The following EAF1 variants were observed in gnomAD, a reference collection of about 807,000 sequenced individuals.
EAF1 encodes the protein ELL associated factor 1, also known as ELL-associated factor 1.
In EAF1, 19 loss-of-function variants were observed where a neutral mutation model predicts 26.6. The observed-to-expected ratio is 0.71, with a 90% confidence interval of 0.50 to 1.05. The LOEUF is 1.05. Ranked by LOEUF, EAF1 falls within the 50% of genes least tolerant of loss-of-function variation. EAF1 has a pLI of 0.00. For missense variants in EAF1, 260 were observed against 335.5 expected (o/e 0.78, Z 1.76); for synonymous variants, 102 against 120.6 (o/e 0.85, Z 1.01).
Position 15,439,191 on chromosome 3 carries a change from A to C in EAF1, c.*36A>C. The C allele has an allele frequency of 6.2e-7, 1 of 1,607,758 alleles. No individual in the cohort carries two copies. Among genetic ancestry groups the C allele is most frequent in the Non-Finnish European group, 8.5e-7 (1 of 1,176,308 alleles). On this transcript the variant is annotated 3_prime_UTR_variant, in exon 6 of 6. Transcript: ENST00000396842. ...TTCGAAACCTACTTTTTGGTGCACA[A>C]ACATGCCGCAAGACTGAGCTACTTT...
intron 3 of EAF1, among the ~76,000 whole-genome samples, chr3:15,433,565 C>T (rs2061814955): frequency 6.6e-6 from 1 of 152,206 alleles, no homozygotes; most frequent in African/African-American, 2.4e-5. Context: ...AGTCCATTTA[C>T]AAAAGAAATT....
chr3:15,433,387 C>T (rs969936278), intron 3 of EAF1, among the ~76,000 whole-genome samples: 4 of 152,120 alleles, frequency 2.6e-5, no homozygotes, highest in African/African-American at 9.7e-5. Flanking sequence ...CGATATTCCT[C>T]CAATATCTGA....
chr3:15,436,675 G>T, intron 5 of EAF1, 100 bp downstream of exon 5: 1 of 1,005,590 alleles, frequency 9.9e-7, no homozygotes, highest in Non-Finnish European at 1.4e-6. Flanking sequence ...TTAAGGCATG[G>T]GAGAGGATCT....
rs1301461677 is a variant in EAF1 at position 15,442,216 on chromosome 3, T to G, written c.*3061T>G. 2 of 152,218 alleles carry G rather than the reference T, an allele frequency of 1.3e-5. No homozygotes were observed. Among genetic ancestry groups the G allele is most frequent in the Admixed American group, 6.6e-5 (1 of 15,190 alleles). 9.4% of individuals were successfully genotyped at this position (152,218 alleles called of 1,614,324 possible). ...AGAGGCTGGTTCAGCAGGGTGTGTG[T>G]GTGTGTGTGTGTGTGTGTGTATGAA... On this transcript the variant is annotated 3_prime_UTR_variant, in exon 6 of 6. Transcript: ENST00000396842.
At chr3:15,429,092 A>T (rs1280073440) in intron 1 of EAF1, among the ~76,000 whole-genome samples, 2 of 152,206 alleles carry the variant, frequency 1.3e-5, no homozygotes, top group Non-Finnish European at 2.9e-5. Context: ...TGTGAATGTG[A>T]ATTAAGATGG....
In EAF1 at chr3:15,432,149, G is replaced by A; in HGVS notation, c.261G>A (p.Val87=). ...GNKRPYQKDC[V]LIINHDTGEY... ...AACGGCCTTACCAGAAAGACTGTGT[G>A]CTTATTATTAATCATGACACTGGTG... The change falls in exon 3 of 6, where the codon GTG becomes GTA. Residue 87 remains valine, a synonymous_variant. Coordinates refer to ENST00000396842, the MANE Select transcript of EAF1 (RefSeq NM_033083.7). 2 of 1,614,174 alleles carry A rather than the reference G, an allele frequency of 1.2e-6. No individual in the cohort carries two copies. Among genetic ancestry groups the A allele is most frequent in the Non-Finnish European group, 8.5e-7 (1 of 1,180,022 alleles).
chr3:15,439,191 A>G lies in EAF1; in HGVS notation c.*36A>G. 2 of 1,607,758 alleles carry G rather than the reference A, an allele frequency of 1.2e-6. No homozygotes were observed. Among genetic ancestry groups the G allele is most frequent in the Non-Finnish European group, 1.7e-6 (2 of 1,176,308 alleles). ...TTCGAAACCTACTTTTTGGTGCACA[A>G]ACATGCCGCAAGACTGAGCTACTTT... On this transcript the variant is annotated 3_prime_UTR_variant, in exon 6 of 6. Coordinates refer to ENST00000396842, the MANE Select transcript of EAF1 (RefSeq NM_033083.7).
chr3:15,429,830 T>G, intron 1 of EAF1, 83 bp from the exon 2 acceptor site: 1 of 843,668 alleles, frequency 1.2e-6, no homozygotes, highest in East Asian at 2.5e-5. Context: ...TGAGTAATAA[T>G]TTTAATTCTT....
intron 2 of EAF1, among the ~76,000 whole-genome samples, chr3:15,431,805 A>G (rs2061803952): frequency 6.6e-6 from 1 of 152,198 alleles, no homozygotes. Flanking sequence ...TAATGAAAGT[A>G]ATGGTTAATT....
chr3:15,430,438 C>T (rs1005524302), intron 2 of EAF1, among the ~76,000 whole-genome samples: 5 of 142,434 alleles, frequency 3.5e-5, no homozygotes, highest in African/African-American at 1.1e-4. Context: ...CCAGCCTGGG[C>T]GACAGAGTGA....
Position 15,427,879 on chromosome 3 carries a change from C to A in EAF1, c.100C>A (p.Arg34Ser). The A allele has an allele frequency of 6.5e-7, 1 of 1,543,992 alleles. No homozygotes were observed. Among genetic ancestry groups the A allele is most frequent in the South Asian group, 1.2e-5 (1 of 83,724 alleles). ...GCCGCGGGCCTCCTTCCACACTATT[C>A]GTTGTAAGTCAGCGCTCCCCACGGT... ...KRPRASFHTI[R>S]YDFKPASIDT... is the part of the protein sequence containing the mutation. The change falls in exon 1 of 6, where the codon CGT becomes AGT. Residue 34 changes from arginine to serine, a missense_variant. Coordinates refer to ENST00000396842, the MANE Select transcript of EAF1 (RefSeq NM_033083.7).
At chr3:15,427,948 T>A in intron 1 of EAF1, 66 bp downstream of exon 1, 1 of 1,286,928 alleles carries the variant, frequency 7.8e-7, no homozygotes, top group Non-Finnish European at 1.1e-6. Context: ...CTTGACTCCT[T>A]CCTTTCTTCC....
In EAF1 at chr3:15,436,458, G is replaced by GAC; in HGVS notation, c.645_646dup (p.Asn216ThrfsTer36). The GAC allele has an allele frequency of 6.2e-7, 1 of 1,613,562 alleles. No individual in the cohort carries two copies. The highest frequency in any genetic ancestry group is 8.5e-7 in the Non-Finnish European group (1 of 1,179,510). On this transcript the variant is annotated frameshift_variant, in exon 5 of 6. Coordinates refer to ENST00000396842, the MANE Select transcript of EAF1 (RefSeq NM_033083.7). LOFTEE classifies it high-confidence loss of function. Reference sequence around the variant, plus strand: ...CGATAGCTCCAGCAGTGGAGGCGAGGACAATGGCCCAGCCTCTCCTCCGCA... The same window carrying GAC: ...CGATAGCTCCAGCAGTGGAGGCGAGGACACAATGGCCCAGCCTCTCCTCCGCA...
At chr3:15,433,294 C>A (rs919658030) in intron 3 of EAF1, 1 of 153,002 alleles carries the variant, frequency 6.5e-6, no homozygotes. Context: ...TGACCTACCC[C>A]GGAGAGTGTG....
rs1166420757 is a variant in EAF1, at chr3:15,427,818, A to G, written c.39A>G (p.Glu13=). The change falls in exon 1 of 6, where the codon GAA becomes GAG. Residue 13 remains glutamate, a synonymous_variant. Coordinates refer to ENST00000396842, the MANE Select transcript of EAF1 (RefSeq NM_033083.7). ...GTANPLLDRE[E]HCLRLGESFE... ...CAAACCCGCTGCTGGACCGCGAGGA[A>G]CATTGCCTGAGGCTCGGGGAGAGCT... 1.9e-6 allele frequency: 3 copies of G among 1,551,240 alleles called. No homozygotes were observed. The highest frequency in any genetic ancestry group is 2.4e-5 in the South Asian group (2 of 84,048).
intron 1 of EAF1, among the ~76,000 whole-genome samples, chr3:15,428,550 G>C (rs533757343): frequency 1.3e-4 from 20 of 152,208 alleles, no homozygotes; most frequent in Non-Finnish European, 2.4e-4. Context: ...TGTGGGTAAA[G>C]AGTCAAATCA....
chr3:15,433,450 C>A (rs2061814402), intron 3 of EAF1, among the ~76,000 whole-genome samples: 1 of 152,156 alleles, frequency 6.6e-6, no homozygotes, highest in Non-Finnish European at 1.5e-5. Flanking sequence ...CTAACAGTAT[C>A]ATATTACCTA....
chr3:15,432,193 T>TCAGTAG lies in EAF1; in HGVS notation c.309_314dup (p.Ser104_Ser105dup). 3.1e-6 allele frequency: 5 copies of TCAGTAG among 1,614,126 alleles called. No homozygotes were observed. Among genetic ancestry groups the TCAGTAG allele is most frequent in the Non-Finnish European group, 4.2e-6 (5 of 1,179,992 alleles). The stretch of plus-strand genomic sequence containing the variant: ...ACTGGTGAATATGTGCTGGAAAAAC[T>TCAGTAG]CAGTAGCAGCATTCAGGTGAAGAAA... On this transcript the variant is annotated inframe_insertion, in exon 3 of 6. Transcript: ENST00000396842.
intron 4 of EAF1, 145 bp from the exon 5 acceptor site, chr3:15,436,197 A>AT: frequency 1.8e-6 from 1 of 546,476 alleles, no homozygotes; most frequent in Non-Finnish European, 3.0e-6. Context: ...TTGTTTGTAC[A>AT]TTTTTTAAGG....
Sources: gnomAD v4.1 joint callset for allele counts (sites outside exome capture counted in the v4.1 genomes callset) on GRCh38, gnomAD v4.1.1 for gene constraint, MANE v1.5 for transcripts, NCBI Gene and HGNC (gene_info 2026-07-23, HGNC 2026-07-21) for gene names.